The following SUPT3H variants were observed in gnomAD, a reference collection of about 807,000 sequenced individuals.
SUPT3H encodes the protein SPT3 homolog, SAGA and STAGA complex component, also known as transcription initiation protein SPT3 homolog.
In SUPT3H, 44 loss-of-function variants were observed where a neutral mutation model predicts 44.3. The ratio of observed to expected loss-of-function variants is 0.99; its 90% CI spans 0.78 to 1.28. The LOEUF is 1.28. SUPT3H is among the 50% of genes most tolerant of loss of function. SUPT3H has a pLI of 0.00. For synonymous variants in SUPT3H, 124 were observed against 125.6 expected (o/e 0.99, Z 0.09); for missense variants, 380 against 387.1 (o/e 0.98, Z 0.15).
intron 10 of SUPT3H, chr6:44,899,215 C>T (rs1764580553): frequency 6.6e-6 from 1 of 152,212 alleles, no homozygotes; most frequent in Middle Eastern, 3.4e-3. Context: ...TGTACAATTG[C>T]CATCTTTACA....
chr6:44,946,347 C>T (rs1389902363), intron 9 of SUPT3H, among the ~76,000 whole-genome samples: 1 of 152,170 alleles, frequency 6.6e-6, no homozygotes, highest in East Asian at 1.9e-4. Flanking sequence ...AAATATATTT[C>T]ATAAGACTAT....
At chr6:44,898,931 A>T (rs1582335729) in intron 10 of SUPT3H, 1 of 152,158 alleles carries the variant, frequency 6.6e-6, no homozygotes, top group South Asian at 2.1e-4. Context: ...TATCAACAGA[A>T]ATTTGGTTGT....
Position 45,373,750 on chromosome 6 carries a change from G to A in SUPT3H, c.-1+4018C>T, listed in dbSNP as rs918558937. On this transcript the variant is annotated intron_variant, in intron 1 of 10. Transcript: ENST00000371459. ...GTAATTTTAGTAGAGACGGGGTTTC[G>A]CCATGTTGGCCAGTCTGGTCTCCAA... is the stretch of plus-strand genomic sequence containing the variant. Among the ~76,000 whole-genome samples, 25 of 151,974 alleles carry A rather than the reference G, an allele frequency of 1.6e-4. No individual in the cohort carries two copies. The South Asian group carries it at 2.7e-3, about 16-fold the overall frequency.
At chr6:44,817,859 T>A (rs1767014034) in intron 11 of SUPT3H, among the ~76,000 whole-genome samples, 1 of 152,164 alleles carries the variant, frequency 6.6e-6, no homozygotes, top group South Asian at 2.1e-4. Flanking sequence ...GAGAGCTATA[T>A]CATGTTCATT....
At chr6:45,201,063 T>A (rs904763192) in intron 2 of SUPT3H, among the ~76,000 whole-genome samples, 1 of 151,680 alleles carries the variant, frequency 6.6e-6, no homozygotes, top group Non-Finnish European at 1.5e-5. Context: ...ATAAAAATAT[T>A]TTCTGATGAT....
At chr6:45,043,587 C>G (rs1162663072) in intron 3 of SUPT3H, among the ~76,000 whole-genome samples, 1 of 151,990 alleles carries the variant, frequency 6.6e-6, no homozygotes, top group Non-Finnish European at 1.5e-5. Flanking sequence ...ATATTAGATG[C>G]TTTTTAGAAT....
At chr6:45,033,072 A>G (rs1787184528) in intron 3 of SUPT3H, among the ~76,000 whole-genome samples, 1 of 152,128 alleles carries the variant, frequency 6.6e-6, no homozygotes, top group Non-Finnish European at 1.5e-5. Context: ...CTAACTCACC[A>G]AAACAAAAAA....
chr6:45,004,265 T>C (rs1782401989), intron 5 of SUPT3H, among the ~76,000 whole-genome samples: 1 of 152,038 alleles, frequency 6.6e-6, no homozygotes, highest in African/African-American at 2.4e-5. Flanking sequence ...GGTGAAATAC[T>C]ATCTAGTAAT....
At chr6:45,107,345 A>G (rs910192882) in intron 2 of SUPT3H, among the ~76,000 whole-genome samples, 3 of 152,214 alleles carry the variant, frequency 2.0e-5, no homozygotes, top group Non-Finnish European at 4.4e-5. Flanking sequence ...TTCAAGGTAT[A>G]GAAAAGAATG....
intron 3 of SUPT3H, among the ~76,000 whole-genome samples, chr6:45,049,280 T>C (rs1158933895): frequency 6.6e-6 from 1 of 152,186 alleles, no homozygotes; most frequent in African/African-American, 2.4e-5. Context: ...GGATCTCATT[T>C]ATGTGGATCC....
chr6:45,372,426 T>G (rs933749900), intron 1 of SUPT3H, among the ~76,000 whole-genome samples: 1 of 152,210 alleles, frequency 6.6e-6, no homozygotes, highest in African/African-American at 2.4e-5. Context: ...AAGAATGTTA[T>G]GACTAAGAGT....
chr6:44,939,856 T>TA (rs1313220932), intron 9 of SUPT3H, among the ~76,000 whole-genome samples: 1 of 152,104 alleles, frequency 6.6e-6, no homozygotes, highest in Non-Finnish European at 1.5e-5. Context: ...TTGCTCATAA[T>TA]AGTCTGTGAC....
chr6:45,009,824 C>T (rs1783222885), intron 5 of SUPT3H, among the ~76,000 whole-genome samples: 1 of 152,100 alleles, frequency 6.6e-6, no homozygotes. Flanking sequence ...ATTTCCATAT[C>T]AGAATCTGGT....
At chr6:45,181,022 G>GA (rs543161890) in intron 2 of SUPT3H, among the ~76,000 whole-genome samples, 1 of 150,088 alleles carries the variant, frequency 6.7e-6, no homozygotes, top group Non-Finnish European at 1.5e-5. Context: ...AAATTTACAA[G>GA]AAAAAAAACA....
intron 2 of SUPT3H, among the ~76,000 whole-genome samples, chr6:45,308,148 A>T (rs1783371549): frequency 6.6e-6 from 1 of 152,226 alleles, no homozygotes; most frequent in African/African-American, 2.4e-5. Flanking sequence ...TGTACCTGAA[A>T]GTGACAGGGA....
At chr6:45,208,541 T>C (rs1205804378) in intron 2 of SUPT3H, among the ~76,000 whole-genome samples, 1 of 152,016 alleles carries the variant, frequency 6.6e-6, no homozygotes, top group South Asian at 2.1e-4. Flanking sequence ...CTGGCCAACA[T>C]GGTGAAACCC....
intron 2 of SUPT3H, among the ~76,000 whole-genome samples, chr6:45,291,114 C>T (rs1283996460): frequency 6.6e-6 from 1 of 152,194 alleles, no homozygotes; most frequent in East Asian, 1.9e-4. Context: ...ACAGATGGTT[C>T]ACATCACAGG....
chr6:45,157,363 A>C (rs1808000645), intron 2 of SUPT3H, among the ~76,000 whole-genome samples: 1 of 151,972 alleles, frequency 6.6e-6, no homozygotes, highest in African/African-American at 2.4e-5. Context: ...TCATACATTT[A>C]TAATGTATGA....
intron 3 of SUPT3H, among the ~76,000 whole-genome samples, chr6:45,073,156 T>C (rs1365881463): frequency 1.3e-5 from 2 of 152,058 alleles, no homozygotes; most frequent in Non-Finnish European, 2.9e-5. Flanking sequence ...TGAAGATATG[T>C]AGGTATTCCA....
Sources: gnomAD v4.1 joint callset for allele counts (sites outside exome capture counted in the v4.1 genomes callset) on GRCh38, gnomAD v4.1.1 for gene constraint, MANE v1.5 for transcripts, NCBI Gene and HGNC (gene_info 2026-07-23, HGNC 2026-07-21) for gene names.